Variants in LAMA3 observed in about 807,000 individuals in gnomAD.
The protein encoded by LAMA3 is laminin subunit alpha-3.
In LAMA3, 281 loss-of-function variants were observed where a neutral mutation model predicts 402.0. The ratio of observed to expected loss-of-function variants is 0.70; its 90% CI spans 0.63 to 0.77. The LOEUF (loss-of-function observed/expected upper bound fraction) is 0.77, where lower values mean the gene tolerates loss of function less well. Among genes scored for constraint, LAMA3 ranks in the 30% least tolerant of loss-of-function variants. The pLI is 0.00. For missense variants in LAMA3, 3,840 were observed against 4,215.5 expected (o/e 0.91, Z 2.47); for synonymous variants, 1,431 against 1,558.4 (o/e 0.92, Z 1.93).
intron 11 of LAMA3, among the ~76,000 whole-genome samples, chr18:23,778,929 C>G (rs2062379302): frequency 1.3e-5 from 2 of 152,146 alleles, no homozygotes; most frequent in South Asian, 4.1e-4. Context: ...AAAAACAAGA[C>G]AGAGAGGAGG....
chr18:23,713,202 C>T (rs1369098574), intron 1 of LAMA3, among the ~76,000 whole-genome samples: 1 of 152,222 alleles, frequency 6.6e-6, no homozygotes, highest in Non-Finnish European at 1.5e-5. Flanking sequence ...CAGCCAGCCA[C>T]ATCTCTCCAT....
intron 10 of LAMA3, 27 bp from the exon 11 acceptor site, chr18:23,777,530 G>A: frequency 6.8e-7 from 1 of 1,476,100 alleles, no homozygotes; most frequent in South Asian, 1.1e-5. Context: ...ATCATCCTCT[G>A]TATTTTTTAA....
In LAMA3 at chr18:23,842,695, CAG is replaced by C. The variant is rs1426591660; in HGVS notation, c.3551_3552del (p.Glu1184AlafsTer2). Reference sequence around the variant, plus strand: ...GAAGGCCAGATTGAGTTTGACATCTCAGAGCCTGAAGTGGCCGCAACTGTGAA... The same window carrying C: ...GAAGGCCAGATTGAGTTTGACATCTCAGCCTGAAGTGGCCGCAACTGTGAA... On this transcript the variant is annotated frameshift_variant, in exon 29 of 75. Coordinates refer to ENST00000313654, the MANE Select transcript of LAMA3 (RefSeq NM_198129.4). LOFTEE classifies it high-confidence loss of function. 1 of 1,614,188 alleles carries C rather than the reference CAG, an allele frequency of 6.2e-7. No homozygotes were observed. The highest frequency in any genetic ancestry group is 2.2e-5 in the East Asian group (1 of 44,870).
intron 11 of LAMA3, 84 bp from the exon 12 acceptor site, chr18:23,783,939 C>T: frequency 6.6e-7 from 1 of 1,509,630 alleles, no homozygotes; most frequent in Non-Finnish European, 9.2e-7. Context: ...TCTATATTCC[C>T]ATGATAGAAA....
intron 12 of LAMA3, among the ~76,000 whole-genome samples, chr18:23,810,094 G>A (rs935725145): frequency 7.2e-5 from 11 of 152,156 alleles, no homozygotes; most frequent in Admixed American, 6.5e-4. Flanking sequence ...GCTATGATAG[G>A]CATTGTCCCA....
In LAMA3 at chr18:23,784,080, G is replaced by A. The variant is rs1433415261; in HGVS notation, c.1526G>A (p.Cys509Tyr). 8 of 1,613,976 alleles carry A rather than the reference G, an allele frequency of 5.0e-6. No homozygotes were observed. The highest frequency in any genetic ancestry group is 1.6e-4 in the Middle Eastern group (1 of 6,080). The change falls in exon 12 of 75, where the codon TGC becomes TAC. Residue 509 changes from cysteine (C) to tyrosine (Y), a missense_variant. By Grantham distance (194) the Cys-to-Tyr change is radical (BLOSUM62 -2). Around this residue, in one of 3 missense-constraint regions of LAMA3, gnomAD observed 2,109 missense variants for 2,376.0 expected, o/e 0.89. Coordinates refer to ENST00000313654, the MANE Select transcript of LAMA3 (RefSeq NM_198129.4). ...GAAATATGTGATGCCCACGGACGGT[G>A]CCTGTGCCGCCCTGGGGTTGAGGGC... ...LPEICDAHGR[C>Y]LCRPGVEGPR...
At chr18:23,802,174 G>C (rs955015801) in intron 12 of LAMA3, among the ~76,000 whole-genome samples, 1 of 152,138 alleles carries the variant, frequency 6.6e-6, no homozygotes, top group Non-Finnish European at 1.5e-5. Flanking sequence ...TCAAATTTGA[G>C]ATGCCCAATC....
intron 55 of LAMA3, 152 bp from the exon 56 acceptor site, chr18:23,912,559 T>C: frequency 2.9e-6 from 2 of 693,894 alleles, no homozygotes; most frequent in Non-Finnish European, 2.6e-6. Flanking sequence ...GAGATTATGA[T>C]CCAGGGCTTA....
At chr18:23,698,202 CTTTTTT>C in intron 1 of LAMA3, among the ~76,000 whole-genome samples, 1 of 108,862 alleles carries the variant, frequency 9.2e-6, no homozygotes, top group East Asian at 2.6e-4. Context: ...TCTTCTTCTT[CTTTTTT>C]TTTTTTTTTT....
Position 23,861,733 on chromosome 18 carries a change from G to T in LAMA3, c.4510G>T (p.Ala1504Ser). The T allele has an allele frequency of 6.2e-7, 1 of 1,614,090 alleles. No individual in the cohort carries two copies. The highest frequency in any genetic ancestry group is 8.5e-7 in the Non-Finnish European group (1 of 1,180,016). Reference protein sequence around the residue: ...SFNPGSNSMVADLQELPATIH... With the variant: ...SFNPGSNSMVSDLQELPATIH... ...CAACCCAGGCAGCAACAGTATGGTG[G>T]CGGATCTCCAGGAGCTGCCCGCAAC... is the stretch of plus-strand genomic sequence containing the variant. Residue 1504 changes from alanine to serine, a missense_variant, in exon 35 of 75, where the codon GCG becomes TCG. Coordinates refer to ENST00000313654, the MANE Select transcript of LAMA3 (RefSeq NM_198129.4).
At chr18:23,778,379 A>G (rs2062367289) in intron 11 of LAMA3, among the ~76,000 whole-genome samples, 1 of 152,216 alleles carries the variant, frequency 6.6e-6, no homozygotes, top group Admixed American at 6.5e-5. Context: ...ATAATAACAT[A>G]CATAATATAG....
intron 2 of LAMA3, among the ~76,000 whole-genome samples, chr18:23,729,112 TTGTGTGTGTATGTGTG>T: frequency 1.0e-5 from 1 of 99,352 alleles, no homozygotes; most frequent in African/African-American, 4.8e-5. Flanking sequence ...ATATGATGTA[TTGTGTGTGTATGTGTG>T]TGTGTGTGTG....
At chr18:23,754,757 TAAAG>T (rs2061813658) in intron 6 of LAMA3, among the ~76,000 whole-genome samples, 1 of 152,218 alleles carries the variant, frequency 6.6e-6, no homozygotes, top group Non-Finnish European at 1.5e-5. Flanking sequence ...AGGGATACTT[TAAAG>T]GGCTGGAAAT....
chr18:23,741,192 CT>C (rs745345401), intron 2 of LAMA3, among the ~76,000 whole-genome samples: 19 of 151,994 alleles, frequency 1.3e-4, no homozygotes, highest in Admixed American at 2.0e-4. Flanking sequence ...ATCTCCTGAC[CT>C]TGTGATCCAC....
rs375811896 is a variant in LAMA3, at chr18:23,950,164, G to A, written c.9642+5G>A. The A allele has an allele frequency of 6.2e-7, 1 of 1,613,878 alleles. No homozygotes were observed. The highest frequency in any genetic ancestry group is 8.5e-7 in the Non-Finnish European group (1 of 1,179,992). On this transcript the variant is annotated splice_donor_5th_base_variant and intron_variant, in intron 72 of 74. Transcript: ENST00000313654. ...GTTTACCTGGAGGCAGGAAAGGTGT[G>A]TAGCAGTCTGATGCCATGGGGAGGG...
chr18:23,746,645 A>G (rs1017809146), intron 2 of LAMA3, among the ~76,000 whole-genome samples: 1 of 152,150 alleles, frequency 6.6e-6, no homozygotes, highest in Non-Finnish European at 1.5e-5. Flanking sequence ...TAACATGTAA[A>G]ATGTTTGTTA....
chr18:23,903,849 C>A, intron 49 of LAMA3, 84 bp from the exon 50 acceptor site: 1 of 1,115,906 alleles, frequency 9.0e-7, no homozygotes, highest in Non-Finnish European at 1.4e-6. Flanking sequence ...CCCAGAAACA[C>A]ATCAGTTATG....
chr18:23,741,874 C>A (rs933491840), intron 2 of LAMA3, among the ~76,000 whole-genome samples: 1 of 152,114 alleles, frequency 6.6e-6, no homozygotes, highest in Non-Finnish European at 1.5e-5. Context: ...CACCTGACAG[C>A]ACTTTGGGAG....
At chr18:23,849,809 T>C (rs1220009767) in intron 32 of LAMA3, among the ~76,000 whole-genome samples, 1 of 152,226 alleles carries the variant, frequency 6.6e-6, no homozygotes, top group South Asian at 2.1e-4. Context: ...TAAACCAAGA[T>C]GTAAAACTGT....
Sources: gnomAD v4.1 joint callset for allele counts (sites outside exome capture counted in the v4.1 genomes callset) on GRCh38, gnomAD v4.1.1 for gene constraint, gnomAD v4.1.1 regional missense constraint, MANE v1.5 for transcripts, NCBI Gene and HGNC (gene_info 2026-07-23, HGNC 2026-07-21) for gene names.